The following MED13L variants were observed in gnomAD, a reference collection of about 807,000 sequenced individuals.
MED13L encodes the protein mediator of RNA polymerase II transcription subunit 13-like.
A neutral mutation model predicts 220.9 loss-of-function variants in MED13L; 7 were observed. The ratio of observed to expected loss-of-function variants is 0.03; its 90% confidence interval spans 0.02 to 0.06. The LOEUF (loss-of-function observed/expected upper bound fraction) is 0.06, where lower values mean the gene tolerates loss of function less well. Among genes scored for constraint, MED13L ranks in the 10% least tolerant of loss-of-function variants. MED13L has a pLI of 1.00. For synonymous variants in MED13L, 1,011 were observed against 1,015.2 expected (o/e 1.00, Z 0.08); for missense variants, 1,965 against 2,760.5 (o/e 0.71, Z 6.46).
chr12:116,238,781 T>C (rs1463724815), intron 1 of MED13L, among the ~76,000 whole-genome samples: 3 of 152,174 alleles, frequency 2.0e-5, no homozygotes, highest in Admixed American at 1.3e-4. Flanking sequence ...AAAATCACCT[T>C]TCATTTAATC....
At chr12:116,219,805 T>C (rs1593177995) in intron 2 of MED13L, among the ~76,000 whole-genome samples, 2 of 150,702 alleles carry the variant, frequency 1.3e-5, no homozygotes, top group East Asian at 3.8e-4. Context: ...TTTTATTTTG[T>C]TTTGTTTCTT....
chr12:116,198,332 C>T (rs886123082), intron 2 of MED13L, among the ~76,000 whole-genome samples: 2 of 152,182 alleles, frequency 1.3e-5, no homozygotes, highest in African/African-American at 4.8e-5. Context: ...ATATCCCACA[C>T]ACATATCACA....
chr12:116,226,794 C>T (rs925544032), intron 2 of MED13L, among the ~76,000 whole-genome samples: 4 of 149,502 alleles, frequency 2.7e-5, no homozygotes, highest in South Asian at 2.2e-4. Context: ...GCTCGAACTC[C>T]GGACGTGGAG....
chr12:116,254,858 T>C (rs915386019), intron 1 of MED13L, among the ~76,000 whole-genome samples: 1 of 152,282 alleles, frequency 6.6e-6, no homozygotes, highest in South Asian at 2.1e-4. Context: ...GTTCCAGATC[T>C]ATATACTAAG....
At chr12:116,156,614 G>C (rs11836167) in intron 2 of MED13L, among the ~76,000 whole-genome samples, 2 of 152,084 alleles carry the variant, frequency 1.3e-5, no homozygotes, top group African/African-American at 4.8e-5. Flanking sequence ...AGTTTTAAAA[G>C]AAAATGTTTA....
At chr12:116,114,395 C>T (rs1274550478) in intron 2 of MED13L, among the ~76,000 whole-genome samples, 1 of 152,190 alleles carries the variant, frequency 6.6e-6, no homozygotes, top group East Asian at 1.9e-4. Flanking sequence ...GCCAGCTTTA[C>T]CACAATTGCT....
intron 2 of MED13L, among the ~76,000 whole-genome samples, chr12:116,119,349 G>A (rs569904384): frequency 6.6e-6 from 1 of 152,104 alleles, no homozygotes; most frequent in African/African-American, 2.4e-5. Flanking sequence ...TGCTAAAGTA[G>A]CAGAGGTACC....
intron 4 of MED13L, among the ~76,000 whole-genome samples, chr12:116,071,818 G>GC (rs35680501): frequency 0.17 from 25,798 of 152,020 alleles, 2,405 homozygotes; most frequent in Middle Eastern, 0.27. Context: ...TTTTATATGG[G>GC]CATGCTCTAT....
chr12:115,988,646 AAAGT>A (rs1056912657), intron 17 of MED13L, among the ~76,000 whole-genome samples: 1 of 152,254 alleles, frequency 6.6e-6, no homozygotes, highest in Non-Finnish European at 1.5e-5. Context: ...TGCAAAATAG[AAAGT>A]GAGTTTTGAA....
intron 25 of MED13L, among the ~76,000 whole-genome samples, chr12:115,973,672 A>C (rs1054587500): frequency 6.6e-6 from 1 of 152,186 alleles, no homozygotes; most frequent in Non-Finnish European, 1.5e-5. Flanking sequence ...AATAAGATTG[A>C]CTAAAAAAGC....
intron 4 of MED13L, among the ~76,000 whole-genome samples, chr12:116,058,939 T>A (rs900970047): frequency 1.1e-4 from 16 of 152,186 alleles, no homozygotes; most frequent in African/African-American, 3.9e-4. Context: ...TATGTACACT[T>A]TACTAATAAA....
intron 4 of MED13L, among the ~76,000 whole-genome samples, chr12:116,031,237 G>A (rs1880716095): frequency 6.6e-6 from 1 of 151,978 alleles, no homozygotes; most frequent in Non-Finnish European, 1.5e-5. Flanking sequence ...CACTGCCCTA[G>A]ATATCCAAGT....
chr12:116,161,002 T>C (rs989895444), intron 2 of MED13L, among the ~76,000 whole-genome samples: 1 of 152,176 alleles, frequency 6.6e-6, no homozygotes, highest in Middle Eastern at 3.2e-3. Context: ...ACGTATTTCT[T>C]ATAGTTCTGG....
chr12:116,151,698 C>T (rs766331386), intron 2 of MED13L, among the ~76,000 whole-genome samples: 18 of 152,138 alleles, frequency 1.2e-4, no homozygotes, highest in Middle Eastern at 3.2e-3. Flanking sequence ...CTGTCTATAG[C>T]GGCTATGGGA....
At chr12:116,129,788 A>G (rs1165910863) in intron 2 of MED13L, among the ~76,000 whole-genome samples, 1 of 152,132 alleles carries the variant, frequency 6.6e-6, no homozygotes, top group Non-Finnish European at 1.5e-5. Flanking sequence ...GCGTGCCTGT[A>G]GTCTCAGCTA....
At chr12:116,040,240 C>T (rs927688091) in intron 4 of MED13L, among the ~76,000 whole-genome samples, 2 of 152,148 alleles carry the variant, frequency 1.3e-5, no homozygotes, top group African/African-American at 4.8e-5. Flanking sequence ...AATTTATTAG[C>T]TGAATCAAAC....
intron 4 of MED13L, among the ~76,000 whole-genome samples, chr12:116,040,347 T>A (rs1881450566): frequency 6.6e-6 from 1 of 152,202 alleles, no homozygotes; most frequent in Admixed American, 6.5e-5. Context: ...ACTATTTGAA[T>A]CAAATTATCA....
intron 4 of MED13L, among the ~76,000 whole-genome samples, chr12:116,033,624 TA>T (rs1404636521): frequency 6.6e-6 from 1 of 152,146 alleles, no homozygotes; most frequent in Non-Finnish European, 1.5e-5. Flanking sequence ...TACCTCTGGG[TA>T]AATATGGTCA....
chr12:116,062,476 C>T (rs1869581135), intron 4 of MED13L, among the ~76,000 whole-genome samples: 1 of 144,818 alleles, frequency 6.9e-6, no homozygotes, highest in Admixed American at 7.2e-5. Flanking sequence ...GTGTCTCTCT[C>T]TCTCTCTCTG....
Sources: allele counts gnomAD v4.1 joint callset (sites outside exome capture counted in the v4.1 genomes callset), GRCh38; gene constraint gnomAD v4.1.1; transcripts MANE v1.5; gene names NCBI Gene and HGNC (gene_info 2026-07-23, HGNC 2026-07-21).